Variants in INSR observed in about 807,000 individuals in gnomAD.
The protein encoded by INSR is insulin receptor, also known as IR.
INSR carries 67 observed loss-of-function variants against 142.6 expected under a neutral mutation model. The ratio of observed to expected loss-of-function variants is 0.47; its 90% confidence interval spans 0.39 to 0.58. The LOEUF (loss-of-function observed/expected upper bound fraction) is 0.58, where lower values mean the gene tolerates loss of function less well. Ranked by LOEUF, INSR falls within the 20% of genes least tolerant of loss-of-function variation. INSR has a pLI of 0.00. For synonymous variants in INSR, 756 were observed against 743.1 expected (o/e 1.02, Z -0.28); for missense variants, 1,248 against 1,833.2 (o/e 0.68, Z 5.83).
At chr19:7,151,113 G>C (rs1464508862) in intron 10 of INSR, among the ~76,000 whole-genome samples, 1 of 114,482 alleles carries the variant, frequency 8.7e-6, no homozygotes, top group African/African-American at 3.4e-5. Context: ...TCCCTCCCTT[G>C]CCCCCTTCCT....
At chr19:7,189,459 A>G (rs978089419) in intron 2 of INSR, among the ~76,000 whole-genome samples, 9 of 152,308 alleles carry the variant, frequency 5.9e-5, no homozygotes, top group Admixed American at 5.2e-4. Context: ...AAGGGCCACA[A>G]GCAAATACTT....
intron 9 of INSR, among the ~76,000 whole-genome samples, chr19:7,153,195 CACCA>C (rs1973458732): frequency 1.7e-5 from 1 of 60,032 alleles, no homozygotes; most frequent in Non-Finnish European, 4.6e-5. Flanking sequence ...ACCACACACA[CACCA>C]CACACACCAC....
At position 7,125,521 on chromosome 19, in the gene INSR, G is replaced by T; in HGVS notation, c.3020C>A (p.Pro1007Gln). The change falls in exon 17 of 22, where the codon CCA becomes CAA. Residue 1007 changes from proline (P) to glutamine (Q), a missense_variant. Physicochemically the swap from Pro to Gln is moderately conservative, Grantham distance 76. Transcript: ENST00000302850. This position sits in a 1 kb window ranked among gnomAD's most constrained non-coding sequence, Gnocchi z 4.9. ...CTCGTCCGGCACGTACACAGAGCAT[G>T]GAAACACTACTTCTTACTTATCTAC... Reference protein sequence around the residue: ...PEYLSASDVFPCSVYVPDEWE... With the variant: ...PEYLSASDVFQCSVYVPDEWE... 6.2e-7 allele frequency: 1 copy of T among 1,613,426 alleles called. No homozygotes were observed. The highest frequency in any genetic ancestry group is 1.1e-5 in the South Asian group (1 of 91,072).
intron 12 of INSR, among the ~76,000 whole-genome samples, chr19:7,142,613 GA>G (rs1276308659): frequency 6.7e-6 from 1 of 150,102 alleles, no homozygotes; most frequent in Non-Finnish European, 1.5e-5. Flanking sequence ...GGAATCACTT[GA>G]CATAGGTGGC....
chr19:7,241,691 T>C (rs1454457604), intron 2 of INSR, among the ~76,000 whole-genome samples: 1 of 152,014 alleles, frequency 6.6e-6, no homozygotes, highest in African/African-American at 2.4e-5. Context: ...CTTGGCAGTA[T>C]CCGGAGACAT....
intron 2 of INSR, among the ~76,000 whole-genome samples, chr19:7,236,176 G>GA (rs1976154036): frequency 2.2e-5 from 1 of 45,552 alleles, no homozygotes; most frequent in Non-Finnish European, 4.9e-5. Context: ...TGGCCAGGCT[G>GA]GTCTTGAACT....
rs1032958291 is a variant in INSR, at chr19:7,143,146, A to C, written c.2268-56T>G. The C allele has an allele frequency of 9.5e-6, 15 of 1,586,972 alleles. No individual in the cohort carries two copies. The African/African-American group carries it at 1.7e-4, about 19-fold the overall frequency. The stretch of plus-strand genomic sequence containing the variant: ...ACCATCACCATCATTTTTTTTAAAA[A>C]AGTGACACTGGAGAATAAAAGGCTT... On this transcript the variant is annotated intron_variant, in intron 11 of 21. Coordinates refer to ENST00000302850, the MANE Select transcript of INSR (RefSeq NM_000208.4).
chr19:7,291,309 C>G (rs1354074037), intron 1 of INSR, among the ~76,000 whole-genome samples: 1 of 152,204 alleles, frequency 6.6e-6, no homozygotes, highest in East Asian at 1.9e-4. Context: ...CTGCTGGCCT[C>G]AAGCGAAGTT....
At chr19:7,227,181 A>G (rs1468232070) in intron 2 of INSR, among the ~76,000 whole-genome samples, 1 of 152,114 alleles carries the variant, frequency 6.6e-6, no homozygotes, top group Non-Finnish European at 1.5e-5. Flanking sequence ...TGGTGTGAAA[A>G]ATTAACGAAT....
At chr19:7,128,236 G>A (rs866377449) in intron 15 of INSR, among the ~76,000 whole-genome samples, 2 of 147,010 alleles carry the variant, frequency 1.4e-5, no homozygotes, top group South Asian at 2.2e-4. Flanking sequence ...TTCCCGAGAC[G>A]GAGTCTCCCT....
rs1348941151 is a variant in INSR at position 7,197,616 on chromosome 19, AGT to A, written c.653-12981_653-12980del. 7.3e-4 allele frequency among the ~76,000 whole-genome samples: 66 copies of A among 90,346 alleles called. 3 individuals carry two copies. Among genetic ancestry groups the A allele is most frequent in the Non-Finnish European group, 1.1e-3 (50 of 46,194 alleles). The allele number at this position is 90,346 out of a possible 152,430, so 59.3% of individuals were successfully genotyped here. On this transcript the variant is annotated intron_variant, in intron 2 of 21. Transcript: ENST00000302850. The stretch of plus-strand genomic sequence containing the variant: ...TGTGTGTGTCAGATTCCAGAGTGGG[AGT>A]GTGTGTGTGTTTGGCAGGTTCCAGA...
intron 4 of INSR, among the ~76,000 whole-genome samples, chr19:7,173,771 C>G (rs979844429): frequency 1.3e-5 from 2 of 151,888 alleles, no homozygotes; most frequent in Admixed American, 6.6e-5. Flanking sequence ...AGGCACGCAC[C>G]ACCAAGCCTG....
chr19:7,196,739 A>T (rs1367993352), intron 2 of INSR, among the ~76,000 whole-genome samples: 2 of 151,652 alleles, frequency 1.3e-5, no homozygotes, highest in Non-Finnish European at 2.9e-5. Flanking sequence ...TCCGAAGTTT[A>T]AAAAAAACTT....
Position 7,143,009 on chromosome 19 carries a change from A to G in INSR, c.2349T>C (p.Thr783=). The part of the protein sequence containing the change: ...AVPTVAAFPN[T]SSTSVPTSPE... ...GACTCGTGGGCACGCTGGTCGAGGA[A>G]GTGTTGGGGAAAGCTGCCACCGTGG... The change falls in exon 12 of 22, where the codon ACT becomes ACC. Residue 783 remains threonine (T), a synonymous_variant. Coordinates refer to ENST00000302850, the MANE Select transcript of INSR (RefSeq NM_000208.4). 1.9e-6 allele frequency: 3 copies of G among 1,614,168 alleles called. No individual in the cohort carries two copies. Among genetic ancestry groups the G allele is most frequent in the Non-Finnish European group, 2.5e-6 (3 of 1,180,016 alleles).
chr19:7,269,309 G>GA (rs971677803), intron 1 of INSR, among the ~76,000 whole-genome samples: 59 of 146,182 alleles, frequency 4.0e-4, no homozygotes, highest in African/African-American at 1.2e-3. Flanking sequence ...AAACAAATGG[G>GA]AAAAAAAAAG....
Position 7,112,723 on chromosome 19 carries a change from A to G in INSR, c.*4333T>C, listed in dbSNP as rs1320832760. ...TGGTGGCTGGTTCTGGACCTTGACTAGTATCAGAAGGTAAAAGTAAGCTCA... is the reference window on the plus strand; with the variant it reads ...TGGTGGCTGGTTCTGGACCTTGACTGGTATCAGAAGGTAAAAGTAAGCTCA... On this transcript the variant is annotated 3_prime_UTR_variant, in exon 22 of 22. Transcript: ENST00000302850. 6.6e-6 allele frequency: 1 copy of G among 151,958 alleles called. No individual in the cohort carries two copies. Among genetic ancestry groups the G allele is most frequent in the Non-Finnish European group, 1.5e-5 (1 of 67,976 alleles). The allele number at this position is 151,958 out of a possible 1,614,324, so 9.4% of individuals were successfully genotyped here.
chr19:7,213,338 T>G (rs1975334431), intron 2 of INSR, among the ~76,000 whole-genome samples: 1 of 45,326 alleles, frequency 2.2e-5, no homozygotes. Flanking sequence ...AGCGACTCCA[T>G]CTCAAAAAAA....
chr19:7,126,341 G>A lies in INSR; in HGVS notation c.3013+243C>T, dbSNP rs140755043. 1.6e-3 allele frequency among the ~76,000 whole-genome samples: 248 copies of A among 152,340 alleles called. 3 individuals are homozygous for A. The highest frequency in any genetic ancestry group is 0.012 in the East Asian group (60 of 5,190). On this transcript the variant is annotated intron_variant, in intron 16 of 21. Coordinates refer to ENST00000302850, the MANE Select transcript of INSR (RefSeq NM_000208.4). ...CCAGCTGAGCCCAGCCCAAGTGGTC[G>A]ACCCTGCCCAAGGGTCCCAGACCGG...
chr19:7,165,531 C>T lies in INSR; in HGVS notation c.1861+623G>A, dbSNP rs553691764. Reference sequence around the variant, plus strand: ...ATCAAGTGGCTTGTTGCTACTGCCTCGTCTGAAACTATAAGCCTCAATACC... The same window carrying T: ...ATCAAGTGGCTTGTTGCTACTGCCTTGTCTGAAACTATAAGCCTCAATACC... On this transcript the variant is annotated intron_variant, in intron 8 of 21. Coordinates refer to ENST00000302850, the MANE Select transcript of INSR (RefSeq NM_000208.4). 1.3e-3 allele frequency among the ~76,000 whole-genome samples: 192 copies of T among 152,056 alleles called. 1 individual carries two copies. Among genetic ancestry groups the T allele is most frequent in the Admixed American group, 2.1e-3 (32 of 15,240 alleles).
Sources: gnomAD v4.1 joint callset for allele counts (sites outside exome capture counted in the v4.1 genomes callset) on GRCh38, gnomAD v4.1.1 for gene constraint, Gnocchi (gnomAD v3.1) non-coding constraint, MANE v1.5 for transcripts, NCBI Gene and HGNC (gene_info 2026-07-23, HGNC 2026-07-21) for gene names.